Variants in KCTD20 observed in about 807,000 individuals in gnomAD.
KCTD20 encodes the protein potassium channel tetramerization domain containing 20.
KCTD20 carries 30 observed loss-of-function variants against 39.6 expected under a neutral mutation model. The observed-to-expected ratio is 0.76, with a 90% CI of 0.57 to 1.03. The LOEUF (loss-of-function observed/expected upper bound fraction) is 1.03, where lower values mean the gene tolerates loss of function less well. Among genes scored for constraint, KCTD20 ranks in the 50% least tolerant of loss-of-function variants. The pLI is 0.00. For synonymous variants in KCTD20, 162 were observed against 180.6 expected (o/e 0.90, Z 0.83); for missense variants, 422 against 522.0 (o/e 0.81, Z 1.87).
At chr6:36,443,174 C>G in intron 1 of KCTD20, 63 bp downstream of exon 1, 1 of 152,688 alleles carries the variant, frequency 6.5e-6, no homozygotes, top group Non-Finnish European at 1.5e-5. Context: ...TGGCGGCGGG[C>G]GTGGCCCGAG....
intron 1 of KCTD20, among the ~76,000 whole-genome samples, chr6:36,463,317 A>G (rs1775652487): frequency 6.6e-6 from 1 of 152,208 alleles, no homozygotes; most frequent in Non-Finnish European, 1.5e-5. Flanking sequence ...GAATATGTGT[A>G]TGAACTCCCA....
intron 2 of KCTD20, among the ~76,000 whole-genome samples, chr6:36,473,284 T>C (rs531306656): frequency 6.6e-6 from 1 of 151,752 alleles, no homozygotes; most frequent in Non-Finnish European, 1.5e-5. Flanking sequence ...ATGGTCTCGA[T>C]CTCCTGACCT....
At chr6:36,477,768 G>A (rs958859544) in intron 3 of KCTD20, among the ~76,000 whole-genome samples, 57 of 148,090 alleles carry the variant, frequency 3.8e-4, no homozygotes, top group Non-Finnish European at 7.6e-4. Context: ...ACAGGCGTGA[G>A]CCACCACACC....
intron 1 of KCTD20, among the ~76,000 whole-genome samples, chr6:36,448,130 T>C (rs1033722097): frequency 7.3e-5 from 11 of 151,404 alleles, no homozygotes; most frequent in African/African-American, 1.2e-4. Context: ...TTGGAAGGCA[T>C]TGGAATGTAG....
In KCTD20 at chr6:36,489,189, A is replaced by G. The variant is rs915097799; in HGVS notation, c.*2014A>G. ...AGTGTTTGTATATTCCATGATAACT[A>G]TGTATAACTTCTGTTACACAGCTTA... On this transcript the variant is annotated 3_prime_UTR_variant, in exon 8 of 8. Coordinates refer to ENST00000373731, the MANE Select transcript of KCTD20 (RefSeq NM_173562.5). The G allele has an allele frequency of 3.9e-5, 6 of 152,680 alleles. No homozygotes were observed. Among genetic ancestry groups the G allele is most frequent in the African/African-American group, 1.4e-4 (6 of 41,474 alleles). 9.5% of individuals were successfully genotyped at this position (152,680 alleles called of 1,614,324 possible).
At chr6:36,476,539 C>G (rs1053049645) in intron 3 of KCTD20, among the ~76,000 whole-genome samples, 3 of 151,432 alleles carry the variant, frequency 2.0e-5, no homozygotes, top group Non-Finnish European at 4.4e-5. Flanking sequence ...AAGCAATTCT[C>G]GTGCCTCAGC....
intron 1 of KCTD20, among the ~76,000 whole-genome samples, chr6:36,467,769 TTAAA>T (rs1447134902): frequency 6.6e-6 from 1 of 152,160 alleles, no homozygotes; most frequent in Non-Finnish European, 1.5e-5. Flanking sequence ...TATAAACAAC[TTAAA>T]TATTGATAGG....
chr6:36,462,802 T>C (rs1427402373), intron 1 of KCTD20, among the ~76,000 whole-genome samples: 4 of 152,204 alleles, frequency 2.6e-5, no homozygotes, highest in Admixed American at 6.5e-5. Context: ...ACTACCTCAC[T>C]CCTAGACAAT....
At chr6:36,456,428 G>A (rs909615368) in intron 1 of KCTD20, among the ~76,000 whole-genome samples, 14 of 151,984 alleles carry the variant, frequency 9.2e-5, no homozygotes, top group Admixed American at 1.3e-4. Context: ...ACAGGCGCCC[G>A]TCACCACATC....
At chr6:36,482,509 C>T (rs537868725) in intron 6 of KCTD20, among the ~76,000 whole-genome samples, 6 of 152,238 alleles carry the variant, frequency 3.9e-5, no homozygotes, top group East Asian at 1.9e-4. Context: ...GCCGAGATCA[C>T]GCCATTGCGC....
At chr6:36,480,836 G>A (rs1776223076) in intron 5 of KCTD20, among the ~76,000 whole-genome samples, 1 of 152,230 alleles carries the variant, frequency 6.6e-6, no homozygotes, top group Non-Finnish European at 1.5e-5. Flanking sequence ...ACAGGCATGA[G>A]CCACTGCACC....
In KCTD20 at chr6:36,484,841, A is replaced by AG; in HGVS notation, c.967+17_967+18insG. The stretch of plus-strand genomic sequence containing the variant: ...GAATTGAAGGTAAAAAAAAAAAAAA[A>AG]ATCCCAGTCAACATTCAGGTTGGGT... On this transcript the variant is annotated intron_variant, in intron 7 of 7. Coordinates refer to ENST00000373731, the MANE Select transcript of KCTD20 (RefSeq NM_173562.5). 1 of 1,398,840 alleles carries AG rather than the reference A, an allele frequency of 7.1e-7. No individual in the cohort carries two copies. The highest frequency in any genetic ancestry group is 1.4e-5 in the African/African-American group (1 of 70,306). The allele number at this position is 1,398,840 out of a possible 1,614,324, so 86.7% of individuals were successfully genotyped here.
chr6:36,465,141 C>A lies in KCTD20; in HGVS notation c.-46-4911C>A, dbSNP rs182958353. ...TGAAACCCCGTCTGCACTAAAAATA[C>A]AAAAATTAGCCGGGCGTGATGGTGC... On this transcript the variant is annotated intron_variant, in intron 1 of 7. Coordinates refer to ENST00000373731, the MANE Select transcript of KCTD20 (RefSeq NM_173562.5). Among the ~76,000 whole-genome samples the A allele has an allele frequency of 2.5e-3, 375 of 152,060 alleles. 2 individuals are homozygous for A. Among genetic ancestry groups the A allele is most frequent in the Non-Finnish European group, 4.4e-3 (300 of 67,984 alleles).
intron 1 of KCTD20, among the ~76,000 whole-genome samples, chr6:36,444,442 T>G (rs1774975835): frequency 6.6e-6 from 1 of 152,236 alleles, no homozygotes; most frequent in South Asian, 2.1e-4. Flanking sequence ...GATATTGCTC[T>G]GATGGTTTAG....
In KCTD20 at chr6:36,470,164, G is replaced by T. The variant is rs755127853; in HGVS notation, c.67G>T (p.Asp23Tyr). ...LRQEASCLVDDTLAVAQEKEA... is the reference protein window; with the variant it reads ...LRQEASCLVDYTLAVAQEKEA... Reference sequence around the variant, plus strand: ...GCAGGAGGCCAGCTGCTTAGTGGATGATACTTTAGCTGTAGCCCAAGAAAA... The same window carrying T: ...GCAGGAGGCCAGCTGCTTAGTGGATTATACTTTAGCTGTAGCCCAAGAAAA... The change falls in exon 2 of 8, where the codon GAT becomes TAT. Residue 23 changes from aspartate (D) to tyrosine (Y), a missense_variant. Asp to Tyr is a radical substitution (Grantham distance 160). Transcript: ENST00000373731. The T allele has an allele frequency of 5.6e-6, 9 of 1,614,060 alleles. No individual in the cohort carries two copies. Among genetic ancestry groups the T allele is most frequent in the Middle Eastern group, 1.7e-4 (1 of 6,060 alleles).
chr6:36,480,359 A>T (rs1290312055), intron 5 of KCTD20, among the ~76,000 whole-genome samples: 1 of 151,720 alleles, frequency 6.6e-6, no homozygotes, highest in Non-Finnish European at 1.5e-5. Flanking sequence ...ACAGTTCACT[A>T]ATAAAGTCAA....
chr6:36,459,095 C>CA (rs1278804245), intron 1 of KCTD20, among the ~76,000 whole-genome samples: 2 of 152,138 alleles, frequency 1.3e-5, no homozygotes, highest in African/African-American at 2.4e-5. Context: ...CACTTGATAT[C>CA]AAGGTCAAGA....
At chr6:36,449,307 C>T (rs146572632) in intron 1 of KCTD20, among the ~76,000 whole-genome samples, 255 of 152,212 alleles carry the variant, frequency 1.7e-3, no homozygotes, top group African/African-American at 6.1e-3. Context: ...AAACCTTTAG[C>T]TAGACACAGA....
Position 36,469,969 on chromosome 6 carries a change from T to G in KCTD20, c.-46-83T>G. The G allele has an allele frequency of 1.4e-6, 1 of 733,972 alleles. No individual in the cohort carries two copies. The highest frequency in any genetic ancestry group is 2.1e-6 in the Non-Finnish European group (1 of 485,884). 45.5% of individuals were successfully genotyped at this position (733,972 alleles called of 1,614,324 possible). On this transcript the variant is annotated intron_variant, in intron 1 of 7. Transcript: ENST00000373731. The surrounding 1 kb of genome is among the most constrained non-coding windows in gnomAD (Gnocchi z 4.6). ...TGAGAACAGGAATGCTAGCTGTCAG[T>G]TTTCTAGTTTTGCTTTCATACCATG...
Sources: allele counts gnomAD v4.1 joint callset (sites outside exome capture counted in the v4.1 genomes callset), GRCh38; gene constraint gnomAD v4.1.1; non-coding constraint Gnocchi (gnomAD v3.1); transcripts MANE v1.5; gene names NCBI Gene and HGNC (gene_info 2026-07-23, HGNC 2026-07-21).